The following NEMP1 variants were observed in gnomAD, a reference collection of about 807,000 sequenced individuals.
The protein encoded by NEMP1 is transmembrane protein 194.
A neutral mutation model predicts 53.7 loss-of-function variants in NEMP1; 29 were observed. The ratio of observed to expected loss-of-function variants is 0.54; its 90% CI spans 0.40 to 0.74. The LOEUF (loss-of-function observed/expected upper bound fraction) is 0.74. NEMP1 is among the 30% of genes least tolerant of loss of function. The pLI, the probability that NEMP1 is intolerant of heterozygous loss-of-function variation, is 0.00. For missense variants in NEMP1, 477 were observed against 528.6 expected (o/e 0.90, Z 0.96); for synonymous variants, 193 against 192.9 (o/e 1.00, Z 0.00).
At chr12:57,084,320 G>A (rs1434212137) in intron 1 of NEMP1, among the ~76,000 whole-genome samples, 1 of 151,996 alleles carries the variant, frequency 6.6e-6, no homozygotes, top group Admixed American at 6.6e-5. Flanking sequence ...GGATTTGCAG[G>A]CCACGAATAT....
At chr12:57,077,663 TA>T (rs1430827454) in intron 1 of NEMP1, among the ~76,000 whole-genome samples, 10 of 152,126 alleles carry the variant, frequency 6.6e-5, no homozygotes, top group African/African-American at 2.2e-4. Context: ...CATAAAAAAT[TA>T]AAAATATGTG....
chr12:57,087,454 G>A (rs964193962), intron 1 of NEMP1, among the ~76,000 whole-genome samples: 15 of 151,926 alleles, frequency 9.9e-5, no homozygotes, highest in African/African-American at 3.6e-4. Flanking sequence ...AGGTGGGGGG[G>A]GAGGGGTCGC....
intron 1 of NEMP1, among the ~76,000 whole-genome samples, 163 bp from the exon 2 acceptor site, chr12:57,073,075 G>C (rs1254287895): frequency 6.6e-6 from 1 of 151,756 alleles, no homozygotes; most frequent in Non-Finnish European, 1.5e-5. Flanking sequence ...AACTAAGGCA[G>C]AATCTTATTT....
intron 5 of NEMP1, 46 bp downstream of exon 5, chr12:57,064,600 G>T: frequency 1.4e-6 from 2 of 1,445,596 alleles, no homozygotes; most frequent in South Asian, 1.2e-5. Context: ...CAGTCCTTCA[G>T]CTATCCAAAT....
intron 1 of NEMP1, among the ~76,000 whole-genome samples, chr12:57,073,669 A>T (rs2032463653): frequency 6.6e-6 from 1 of 152,186 alleles, no homozygotes; most frequent in Non-Finnish European, 1.5e-5. Flanking sequence ...TAAATACATA[A>T]ATAAAAGAGA....
At chr12:57,080,893 C>CA (rs60838518), upstream of NEMP1, among the ~76,000 whole-genome samples, 14,549 of 86,776 alleles carry the variant, frequency 0.17, 835 homozygotes, top group East Asian at 0.27. Context: ...TCTCTTGTCT[C>CA]AAAAAAAAAA....
chr12:57,087,565 C>G (rs564687086), intron 1 of NEMP1, among the ~76,000 whole-genome samples: 1 of 152,072 alleles, frequency 6.6e-6, no homozygotes, highest in African/African-American at 2.4e-5. Context: ...CTGCTCGTTC[C>G]CACCACCCCC....
intron 3 of NEMP1, 69 bp downstream of exon 3, chr12:57,070,605 T>C (rs1028647719): frequency 2.9e-5 from 39 of 1,354,120 alleles, no homozygotes; most frequent in African/African-American, 4.4e-5. Flanking sequence ...TCAGTCTCAC[T>C]AATTATACCC....
Position 57,064,655 on chromosome 12 carries a change from A to G in NEMP1, c.630T>C (p.Phe210=). The change falls in exon 5 of 9, where the codon TTT becomes TTC. Residue 210 remains phenylalanine, a synonymous_variant. Transcript: ENST00000300128. The stretch of plus-strand genomic sequence containing the variant: ...AGATTCTGATACTTACCTTAGGCAT[A>G]AACTTAGATAGTATAAAAATGATGA... ...LLIIIFILSK[F]MPKKSPIYVI... The G allele has an allele frequency of 1.9e-6, 3 of 1,609,536 alleles. No individual in the cohort carries two copies.
Position 57,059,823 on chromosome 12 carries a change from C to A in NEMP1, c.*56G>T, listed in dbSNP as rs972599393. On this transcript the variant is annotated 3_prime_UTR_variant, in exon 9 of 9. Coordinates refer to ENST00000300128, the MANE Select transcript of NEMP1 (RefSeq NM_001130963.2). ...AAGGGTTGAAAGCAATTGCACAACA[C>A]ATGCAACATGGACCAAGGCACCAAG... 1.8e-5 allele frequency: 27 copies of A among 1,492,842 alleles called. No homozygotes were observed. Among genetic ancestry groups the A allele is most frequent in the Non-Finnish European group, 2.2e-5 (24 of 1,084,508 alleles). The allele number at this position is 1,492,842 out of a possible 1,614,324, so 92.5% of individuals were successfully genotyped here. A position where few individuals can be genotyped will look rare whatever the true frequency, so the allele number is the denominator to read the frequency against.
At position 57,060,039 on chromosome 12, in the gene NEMP1, C is replaced by G; in HGVS notation, c.1175G>C (p.Gly392Ala). Residue 392 changes from glycine (G) to alanine (A), a missense_variant, in exon 9 of 9, where the codon GGC (glycine) becomes GCC (alanine). Coordinates refer to ENST00000300128, the MANE Select transcript of NEMP1 (RefSeq NM_001130963.2). ...SPKRFADFVE[G>A]SSHLTPNEVS... is the part of the protein sequence containing the mutation. The stretch of plus-strand genomic sequence containing the variant: ...TTCATTTGGCGTGAGGTGGGAAGAG[C>G]CTTCCACAAAGTCAGCAAATCTGGA... 1.2e-6 allele frequency: 2 copies of G among 1,613,862 alleles called. No individual in the cohort carries two copies. The highest frequency in any genetic ancestry group is 1.7e-6 in the Non-Finnish European group (2 of 1,179,872).
intron 1 of NEMP1, among the ~76,000 whole-genome samples, chr12:57,073,981 T>TA (rs1363124821): frequency 6.6e-6 from 1 of 152,050 alleles, no homozygotes; most frequent in African/African-American, 2.4e-5. Context: ...TTTTTATTTT[T>TA]TTTTTGAGAC....
At chr12:57,069,932 G>A (rs1037100299) in intron 3 of NEMP1, among the ~76,000 whole-genome samples, 2 of 151,318 alleles carry the variant, frequency 1.3e-5, no homozygotes, top group Non-Finnish European at 2.9e-5. Flanking sequence ...ATCAGTAACT[G>A]TAGAAGGAAC....
chr12:57,079,660 G>T (rs1270127658), upstream of NEMP1, among the ~76,000 whole-genome samples: 1 of 152,108 alleles, frequency 6.6e-6, no homozygotes, highest in Admixed American at 6.5e-5. Flanking sequence ...TTTTTAAGAG[G>T]ATCTGATGGT....
chr12:57,071,892 G>T (rs2032366561), intron 2 of NEMP1, among the ~76,000 whole-genome samples: 1 of 151,984 alleles, frequency 6.6e-6, no homozygotes, highest in Admixed American at 6.6e-5. Context: ...GTCCTTATCA[G>T]TAACTATGCT....
chr12:57,066,938 T>C (rs549650910), intron 4 of NEMP1, among the ~76,000 whole-genome samples: 27 of 152,364 alleles, frequency 1.8e-4, no homozygotes, highest in Non-Finnish European at 3.7e-4. Flanking sequence ...GCCATGATTA[T>C]GAGGCCTCCC....
At chr12:57,083,035 T>C (rs753110022), upstream of NEMP1, among the ~76,000 whole-genome samples, 7 of 151,984 alleles carry the variant, frequency 4.6e-5, no homozygotes, top group Non-Finnish European at 8.8e-5. Flanking sequence ...ATAAATAAAA[T>C]AAAATAAAGG....
rs2031897906 is a variant in NEMP1 at position 57,063,130 on chromosome 12, G to A, written c.969C>T (p.Tyr323=). The change falls in exon 7 of 9, where the codon TAC becomes TAT. Residue 323 remains tyrosine (Y), a synonymous_variant. Transcript: ENST00000300128. Reference sequence around the variant, plus strand: ...TGCCTTTCAGTCACCTGCAGGTGATGTACAGCCACTGAATAGGGTGTTCCA... The same window carrying A: ...TGCCTTTCAGTCACCTGCAGGTGATATACAGCCACTGAATAGGGTGTTCCA... ...KNLEHPIQWL[Y]ITCRKVCKGA... 1 of 1,612,620 alleles carries A rather than the reference G, an allele frequency of 6.2e-7. No homozygotes were observed. Among genetic ancestry groups the A allele is most frequent in the Non-Finnish European group, 8.5e-7 (1 of 1,178,624 alleles).
upstream of NEMP1, among the ~76,000 whole-genome samples, chr12:57,081,443 A>C (rs2032843338): frequency 6.6e-6 from 1 of 151,736 alleles, no homozygotes; most frequent in African/African-American, 2.4e-5. Context: ...GGGTTTCTCC[A>C]TGTTGGTCAA....
Sources: gnomAD v4.1 joint callset for allele counts (sites outside exome capture counted in the v4.1 genomes callset) on GRCh38, gnomAD v4.1.1 for gene constraint, MANE v1.5 for transcripts, NCBI Gene and HGNC (gene_info 2026-07-23, HGNC 2026-07-21) for gene names.